The following GBE1 variants were observed in gnomAD, a reference collection of about 807,000 sequenced individuals.
GBE1 encodes 1,4-alpha-glucan branching enzyme 1.
In GBE1, 70 loss-of-function variants were observed where a neutral mutation model predicts 88.8. That is an observed-to-expected ratio of 0.79 (90% CI 0.65 to 0.96). The LOEUF (loss-of-function observed/expected upper bound fraction) is 0.96, where lower values mean the gene tolerates loss of function less well. GBE1 is among the 40% of genes least tolerant of loss of function. The probability of loss-of-function intolerance (pLI) is 0.00; values close to 1 mark genes in which losing one functional copy is unlikely to be tolerated. For synonymous variants in GBE1, 284 were observed against 300.1 expected (o/e 0.95, Z 0.56); for missense variants, 872 against 871.0 (o/e 1.00, Z -0.01).
intron 7 of GBE1, among the ~76,000 whole-genome samples, chr3:81,595,491 C>T (rs947995374): frequency 5.3e-5 from 8 of 151,706 alleles, no homozygotes; most frequent in African/African-American, 1.9e-4. Flanking sequence ...TATTTTGTAA[C>T]AAGTTTGCTA....
intron 2 of GBE1, among the ~76,000 whole-genome samples, chr3:81,697,328 C>T (rs1385400501): frequency 5.4e-5 from 8 of 147,060 alleles, no homozygotes; most frequent in African/African-American, 1.8e-4. Flanking sequence ...GAGGCGGAGT[C>T]TCGCTCTGTC....
At chr3:81,758,979 G>A (rs1020816547) in intron 1 of GBE1, among the ~76,000 whole-genome samples, 5 of 152,196 alleles carry the variant, frequency 3.3e-5, no homozygotes, top group Non-Finnish European at 5.9e-5. Flanking sequence ...TAAGTCTCAC[G>A]AGACCTGATG....
chr3:81,761,056 C>T (rs1230697752), intron 1 of GBE1, among the ~76,000 whole-genome samples: 1 of 152,216 alleles, frequency 6.6e-6, no homozygotes, highest in African/African-American at 2.4e-5. Context: ...TGAGTCACTC[C>T]CCAGCAGCAC....
At chr3:81,570,557 C>T (rs961468895) in intron 12 of GBE1, among the ~76,000 whole-genome samples, 5 of 152,136 alleles carry the variant, frequency 3.3e-5, no homozygotes, top group African/African-American at 1.2e-4. Context: ...TATAATTTAA[C>T]GCCTGCCTAC....
intron 15 of GBE1, among the ~76,000 whole-genome samples, chr3:81,495,301 A>C (rs1702486828): frequency 6.6e-6 from 1 of 152,238 alleles, no homozygotes; most frequent in African/African-American, 2.4e-5. Context: ...AGGCAGGAAA[A>C]CTGCTTGAAC....
chr3:81,622,866 G>C (rs934179376), intron 7 of GBE1, among the ~76,000 whole-genome samples: 5 of 151,918 alleles, frequency 3.3e-5, no homozygotes, highest in African/African-American at 1.2e-4. Context: ...CCTTCAACAT[G>C]CACTCCATAT....
intron 3 of GBE1, among the ~76,000 whole-genome samples, chr3:81,670,157 A>T (rs1705169963): frequency 6.6e-6 from 1 of 152,234 alleles, no homozygotes; most frequent in South Asian, 2.1e-4. Flanking sequence ...TCTGTAATCC[A>T]GACTTTGGAA....
At chr3:81,494,724 T>C (rs1168518048) in intron 15 of GBE1, among the ~76,000 whole-genome samples, 4 of 152,186 alleles carry the variant, frequency 2.6e-5, no homozygotes, top group Non-Finnish European at 5.9e-5. Flanking sequence ...AATAGCACAG[T>C]ACAATCCAAT....
rs536895103 is a variant in GBE1 at position 81,514,470 on chromosome 3, T to C, written c.1935-15243A>G. On this transcript the variant is annotated intron_variant, in intron 14 of 15. Transcript: ENST00000429644. ...TTAATTTTGTAAATTAATGCTTATT[T>C]ATAGGAATTAATTAGGCATTTTCCC... Among the ~76,000 whole-genome samples the C allele has an allele frequency of 1.2e-3, 185 of 151,754 alleles. 1 individual carries two copies. Among genetic ancestry groups the C allele is most frequent in the Non-Finnish European group, 2.2e-3 (150 of 67,718 alleles).
At chr3:81,708,657 T>C (rs1412800893) in intron 1 of GBE1, among the ~76,000 whole-genome samples, 1 of 152,182 alleles carries the variant, frequency 6.6e-6, no homozygotes, top group Non-Finnish European at 1.5e-5. Flanking sequence ...TAGAAATTTG[T>C]TCTTTGGATA....
intron 1 of GBE1, among the ~76,000 whole-genome samples, 192 bp downstream of exon 1, chr3:81,761,183 G>T (rs1467257474): frequency 6.6e-6 from 1 of 152,246 alleles, no homozygotes. Flanking sequence ...CCGGGCACCA[G>T]CGCTGTCAAA....
chr3:81,604,791 T>C (rs147535525), intron 7 of GBE1, among the ~76,000 whole-genome samples: 1 of 152,284 alleles, frequency 6.6e-6, no homozygotes, highest in Non-Finnish European at 1.5e-5. Flanking sequence ...TAAGAAATTA[T>C]TTAACTGAAA....
At chr3:81,761,298 G>A (rs1706680863) in intron 1 of GBE1, 77 bp downstream of exon 1, 2 of 1,512,020 alleles carry the variant, frequency 1.3e-6, no homozygotes, top group Non-Finnish European at 1.8e-6. Context: ...GAGGGCCGAG[G>A]GGCGGCCCGT....
At chr3:81,665,637 G>A (rs182609002) in intron 3 of GBE1, among the ~76,000 whole-genome samples, 85 of 151,592 alleles carry the variant, frequency 5.6e-4, no homozygotes, top group Non-Finnish European at 1.0e-3. Context: ...TGGTCTTCTT[G>A]GGATATGTTA....
chr3:81,697,299 A>G (rs1705611252), intron 2 of GBE1, among the ~76,000 whole-genome samples: 2 of 147,446 alleles, frequency 1.4e-5, no homozygotes, highest in African/African-American at 5.1e-5. Context: ...GGCAGACAAC[A>G]TCTTTTTTTT....
rs116266599 is a variant in GBE1, at chr3:81,647,530, A to G, written c.692-1048T>C. 9.5e-3 allele frequency among the ~76,000 whole-genome samples: 1,442 copies of G among 152,290 alleles called. 17 individuals are homozygous for G. Among genetic ancestry groups the G allele is most frequent in the African/African-American group, 0.033 (1,376 of 41,570 alleles). On this transcript the variant is annotated intron_variant, in intron 5 of 15. Coordinates refer to ENST00000429644, the MANE Select transcript of GBE1 (RefSeq NM_000158.4). ...ATCAGAAGAAAAAGTATTGGTCTTAAAAAAGCTAAGAAAAACAGGTTTTTC... is the reference window on the plus strand; with the variant it reads ...ATCAGAAGAAAAAGTATTGGTCTTAGAAAAGCTAAGAAAAACAGGTTTTTC...
intron 3 of GBE1, among the ~76,000 whole-genome samples, chr3:81,661,363 AATTTTT>A (rs1705028847): frequency 6.6e-6 from 1 of 152,222 alleles, no homozygotes. Flanking sequence ...TGGACAGTAT[AATTTTT>A]TAGATAATGG....
At chr3:81,533,645 T>A (rs1703037196) in intron 14 of GBE1, among the ~76,000 whole-genome samples, 1 of 152,112 alleles carries the variant, frequency 6.6e-6, no homozygotes, top group African/African-American at 2.4e-5. Flanking sequence ...GATGTCTTCC[T>A]GAGACTCAGG....
intron 12 of GBE1, among the ~76,000 whole-genome samples, chr3:81,553,979 C>A (rs1317795608): frequency 6.6e-6 from 1 of 151,906 alleles, no homozygotes; most frequent in Non-Finnish European, 1.5e-5. Context: ...AGACAATGAA[C>A]AAAGCAAATG....
Sources: allele counts gnomAD v4.1 joint callset (sites outside exome capture counted in the v4.1 genomes callset), GRCh38; gene constraint gnomAD v4.1.1; transcripts MANE v1.5; gene names NCBI Gene and HGNC (gene_info 2026-07-23, HGNC 2026-07-21).